PTH2R: variants seen among roughly 807,000 people sequenced by gnomAD.
The protein encoded by PTH2R is parathyroid hormone 2 receptor, also known as PTH2 receptor.
PTH2R carries 59 observed loss-of-function variants against 60.3 expected under a neutral mutation model. The observed-to-expected ratio is 0.98, with a 90% CI of 0.79 to 1.22. PTH2R has a LOEUF of 1.22. Among genes scored for constraint, PTH2R ranks in the 50% most tolerant of loss-of-function variants. The pLI, the probability that PTH2R is intolerant of heterozygous loss-of-function variation, is 0.00. For missense variants in PTH2R, 749 were observed against 682.6 expected, an observed-to-expected ratio of 1.10 and a Z score of -1.08; for synonymous variants, 256 against 243.8, an observed-to-expected ratio of 1.05 and a Z score of -0.47.
chr2:208,458,825 C>T (rs1305040516), intron 8 of PTH2R, among the ~76,000 whole-genome samples: 2 of 152,010 alleles, frequency 1.3e-5, no homozygotes, highest in South Asian at 2.1e-4. Context: ...ATACATGTAC[C>T]ACGTTTTCTT....
intron 1 of PTH2R, among the ~76,000 whole-genome samples, chr2:208,427,200 C>G (rs775942757): frequency 1.3e-5 from 2 of 151,740 alleles, no homozygotes; most frequent in Non-Finnish European, 1.5e-5. Context: ...AAGGAAGTAA[C>G]GGTTTAACTG....
chr2:208,385,138 A>T lies in PTH2R; in HGVS notation c.-259+24901A>T, dbSNP rs1264982324. Among the ~76,000 whole-genome samples the T allele has an allele frequency of 3.9e-5, 6 of 152,214 alleles. No individual in the cohort carries two copies. The East Asian group carries it at 1.2e-3, about 29-fold the overall frequency. ...TTACATTTACTACCTGATAGTGTTA[A>T]TACCTTTTTGTAGTACCTTTCTTTA... On this transcript the variant is annotated intron_variant, in intron 1 of 12. Coordinates refer to the PTH2R transcript ENST00000617735.
chr2:208,430,004 T>C (rs1701937932), intron 2 of PTH2R, among the ~76,000 whole-genome samples: 1 of 152,188 alleles, frequency 6.6e-6, no homozygotes, highest in Admixed American at 6.5e-5. Flanking sequence ...GCCCTTCCAC[T>C]TCCCCAGTTC....
intron 9 of PTH2R, among the ~76,000 whole-genome samples, chr2:208,473,462 C>T (rs537136709): frequency 1.8e-4 from 28 of 152,256 alleles, no homozygotes; most frequent in African/African-American, 6.3e-4. Context: ...ATTTGGAGAA[C>T]ACTGGACTGG....
At chr2:208,413,006 CA>C (rs1701571135) in intron 1 of PTH2R, among the ~76,000 whole-genome samples, 1 of 152,064 alleles carries the variant, frequency 6.6e-6, no homozygotes, top group African/African-American at 2.4e-5. Context: ...CTTTCTCTCT[CA>C]CTACTGTCCC....
chr2:208,384,956 A>G (rs1196506852), intron 1 of PTH2R, among the ~76,000 whole-genome samples: 2 of 152,230 alleles, frequency 1.3e-5, no homozygotes, highest in South Asian at 2.1e-4. Flanking sequence ...TTCTGTTTCA[A>G]TGCTTAGAAT....
At position 208,442,406 on chromosome 2, in the gene PTH2R, T is replaced by G. The variant is rs1463221161; in HGVS notation, c.454T>G (p.Tyr152Asp). ...ERLYVMYTVG[Y>D]SISFGSLAVA... ...CCTCTATGTAATGTATACCGTTGGC[T>G]ACTCCATCTCTTTTGGTTCCTTGGC... The change falls in exon 5 of 13, where the codon TAC becomes GAC. Residue 152 changes from tyrosine (Y) to aspartate (D), a missense_variant. Tyr to Asp is a radical substitution (Grantham distance 160, BLOSUM62 -3). Transcript: ENST00000272847. 1.9e-6 allele frequency: 3 copies of G among 1,613,662 alleles called. No homozygotes were observed. Among genetic ancestry groups the G allele is most frequent in the Non-Finnish European group, 2.5e-6 (3 of 1,179,566 alleles).
chr2:208,387,733 T>C (rs907461249), intron 1 of PTH2R, among the ~76,000 whole-genome samples: 1 of 152,238 alleles, frequency 6.6e-6, no homozygotes, highest in African/African-American at 2.4e-5. Flanking sequence ...TGTCACAATG[T>C]TGTAATCTTT....
At chr2:208,360,498 G>A (rs11693993) in intron 1 of PTH2R, 123,221 of 161,672 alleles carry the variant, frequency 0.76, 49,427 homozygotes, top group East Asian at 0.93. Context: ...GTGCTTGTGC[G>A]GCGAGTGGAG....
At chr2:208,442,738 G>A (rs1351527693) in intron 5 of PTH2R, among the ~76,000 whole-genome samples, 4 of 152,168 alleles carry the variant, frequency 2.6e-5, no homozygotes, top group Non-Finnish European at 5.9e-5. Context: ...CGAATTGAAT[G>A]AGTTCCCGAG....
chr2:208,484,741 G>A (rs887452547), intron 10 of PTH2R, among the ~76,000 whole-genome samples: 7 of 151,972 alleles, frequency 4.6e-5, no homozygotes, highest in East Asian at 1.9e-4. Flanking sequence ...TATTTATTAC[G>A]TAGCATGAGA....
chr2:208,486,349 G>A (rs1043757983), intron 10 of PTH2R, among the ~76,000 whole-genome samples: 4 of 152,200 alleles, frequency 2.6e-5, no homozygotes, highest in Admixed American at 1.3e-4. Flanking sequence ...AGATGGCTGA[G>A]CCTGGAGGAT....
chr2:208,482,940 A>C (rs1327869440), intron 10 of PTH2R, among the ~76,000 whole-genome samples: 4 of 152,018 alleles, frequency 2.6e-5, no homozygotes, highest in Non-Finnish European at 4.4e-5. Context: ...GGCTCTCTGC[A>C]GGGGGAAGCA....
At chr2:208,363,966 TA>T (rs1156644116) in intron 1 of PTH2R, among the ~76,000 whole-genome samples, 2 of 152,236 alleles carry the variant, frequency 1.3e-5, no homozygotes, top group African/African-American at 4.8e-5. Context: ...ATAGGTTGTT[TA>T]CTCTGTTGAT....
chr2:208,465,481 C>T (rs1702728053), intron 9 of PTH2R, among the ~76,000 whole-genome samples: 1 of 122,674 alleles, frequency 8.2e-6, no homozygotes, highest in Admixed American at 1.1e-4. Context: ...CAGCTCACTG[C>T]AACCTCTGCC....
intron 10 of PTH2R, among the ~76,000 whole-genome samples, chr2:208,485,687 G>T (rs1223044239): frequency 6.6e-6 from 1 of 152,104 alleles, no homozygotes; most frequent in Middle Eastern, 3.2e-3. Context: ...ACTGTGGTAG[G>T]CATATTTCTA....
chr2:208,404,514 A>G (rs557159657), upstream of PTH2R, among the ~76,000 whole-genome samples: 3 of 152,190 alleles, frequency 2.0e-5, no homozygotes, highest in Non-Finnish European at 2.9e-5. Flanking sequence ...ATATGAAAGT[A>G]TTTTGCAAAT....
chr2:208,464,356 CT>C (rs962696781), intron 9 of PTH2R, among the ~76,000 whole-genome samples: 4 of 152,180 alleles, frequency 2.6e-5, no homozygotes, highest in Non-Finnish European at 4.4e-5. Context: ...CCGTGACTTG[CT>C]GGCAAACCAG....
chr2:208,478,359 G>T (rs917912182), intron 9 of PTH2R, among the ~76,000 whole-genome samples: 3 of 152,106 alleles, frequency 2.0e-5, no homozygotes, highest in African/African-American at 7.2e-5. Flanking sequence ...CCTTCTGGAG[G>T]TGCTGGGGGG....
Sources: allele counts gnomAD v4.1 joint callset (sites outside exome capture counted in the v4.1 genomes callset), GRCh38; gene constraint gnomAD v4.1.1; transcripts MANE v1.5; gene names NCBI Gene and HGNC (gene_info 2026-07-23, HGNC 2026-07-21).